The following DYNC1I1 variants were observed in gnomAD, a reference collection of about 807,000 sequenced individuals.
DYNC1I1 encodes the protein dynein cytoplasmic 1 intermediate chain 1.
Under a neutral mutation model 86.6 loss-of-function variants are expected in DYNC1I1, and 43 were observed. That is an observed-to-expected ratio of 0.50 (90% CI 0.39 to 0.64). DYNC1I1 has a LOEUF of 0.64. DYNC1I1 is among the 30% of genes least tolerant of loss of function. The probability of loss-of-function intolerance (pLI) is 0.00; values close to 1 mark genes in which losing one functional copy is unlikely to be tolerated. For synonymous variants in DYNC1I1, 262 were observed against 283.7 expected (o/e 0.92, Z 0.77); for missense variants, 604 against 788.8 (o/e 0.77, Z 2.81).
chr7:96,087,671 A>G (rs920383956), intron 16 of DYNC1I1, among the ~76,000 whole-genome samples: 6 of 152,216 alleles, frequency 3.9e-5, no homozygotes, highest in African/African-American at 1.4e-4. Context: ...GAAAATCCAA[A>G]TACCTGGTTC....
chr7:96,048,645 G>T (rs1234967126), intron 14 of DYNC1I1, among the ~76,000 whole-genome samples: 2 of 152,186 alleles, frequency 1.3e-5, no homozygotes, highest in East Asian at 1.9e-4. Context: ...TACAGAGCTG[G>T]TGGGGCAGTT....
At chr7:95,858,819 T>G (rs1789795723) in intron 5 of DYNC1I1, among the ~76,000 whole-genome samples, 1 of 150,624 alleles carries the variant, frequency 6.6e-6, no homozygotes, top group South Asian at 2.1e-4. Flanking sequence ...GACTCAAAAT[T>G]TACCCTTTAA....
intron 7 of DYNC1I1, among the ~76,000 whole-genome samples, chr7:95,980,819 T>C (rs1266323901): frequency 2.0e-5 from 3 of 152,114 alleles, no homozygotes; most frequent in Non-Finnish European, 4.4e-5. Flanking sequence ...TTCAAAACAA[T>C]ACAACTGGGA....
chr7:95,778,508 G>A (rs1217866513), intron 1 of DYNC1I1, among the ~76,000 whole-genome samples: 1 of 152,156 alleles, frequency 6.6e-6, no homozygotes, highest in Non-Finnish European at 1.5e-5. Flanking sequence ...GAGGTGAGTA[G>A]GGCCAGAAGG....
intron 10 of DYNC1I1, among the ~76,000 whole-genome samples, chr7:96,011,709 A>G (rs914569989): frequency 2.0e-5 from 3 of 152,220 alleles, no homozygotes; most frequent in African/African-American, 7.2e-5. Flanking sequence ...GTGTGTGTCA[A>G]TCTAGTTCTC....
chr7:95,774,363 G>A (rs1004341453), intron 1 of DYNC1I1, among the ~76,000 whole-genome samples: 4 of 152,182 alleles, frequency 2.6e-5, no homozygotes, highest in Admixed American at 6.5e-5. Context: ...TGCTGCAGCC[G>A]CTGGTGCACA....
chr7:95,880,640 CTTTTT>C lies in DYNC1I1; in HGVS notation c.490+10661_490+10665del, dbSNP rs142182653. 1.9e-3 allele frequency among the ~76,000 whole-genome samples: 172 copies of C among 92,550 alleles called. 1 individual carries two copies. Among genetic ancestry groups the C allele is most frequent in the Admixed American group, 7.7e-3 (64 of 8,316 alleles). The allele number at this position is 92,550 out of a possible 152,430, so 60.7% of individuals were successfully genotyped here. A position where few individuals can be genotyped will look rare whatever the true frequency, so the allele number is the denominator to read the frequency against. On this transcript the variant is annotated intron_variant, in intron 6 of 16. Coordinates refer to ENST00000447467, the MANE Select transcript of DYNC1I1 (RefSeq NM_001135556.2). ...TTTCTTCATAACCTACATCTTCTTACTTTTTTTTTTTTTTTTTTTTTTTGAGACAG... is the reference window on the plus strand; with the variant it reads ...TTTCTTCATAACCTACATCTTCTTACTTTTTTTTTTTTTTTTTTGAGACAG...
At chr7:96,038,361 G>T (rs988543871) in intron 13 of DYNC1I1, among the ~76,000 whole-genome samples, 19 of 152,092 alleles carry the variant, frequency 1.2e-4, no homozygotes, top group Non-Finnish European at 2.5e-4. Context: ...TTTTTGGTAT[G>T]TTTTCTCACA....
At chr7:95,779,397 C>T (rs1451293398) in intron 1 of DYNC1I1, among the ~76,000 whole-genome samples, 1 of 152,116 alleles carries the variant, frequency 6.6e-6, no homozygotes, top group Non-Finnish European at 1.5e-5. Flanking sequence ...GAAAATGATG[C>T]CTGGCTTGCA....
chr7:95,807,137 T>G (rs1305563146), intron 2 of DYNC1I1, among the ~76,000 whole-genome samples: 1 of 152,176 alleles, frequency 6.6e-6, no homozygotes, highest in African/African-American at 2.4e-5. Context: ...CTTCATAGAA[T>G]GGTCACATAC....
At chr7:96,050,332 C>T (rs1352420530) in intron 14 of DYNC1I1, among the ~76,000 whole-genome samples, 1 of 152,074 alleles carries the variant, frequency 6.6e-6, no homozygotes, top group Non-Finnish European at 1.5e-5. Flanking sequence ...TAACACTTCA[C>T]ATACTGAAAG....
At chr7:95,896,085 T>C (rs1790875845) in intron 6 of DYNC1I1, among the ~76,000 whole-genome samples, 1 of 152,222 alleles carries the variant, frequency 6.6e-6, no homozygotes, top group African/African-American at 2.4e-5. Flanking sequence ...GCTGGGCTGC[T>C]ACAGAGTAAC....
In DYNC1I1 at chr7:96,097,466, A is replaced by G. The variant is rs771167961; in HGVS notation, c.1777-17A>G. On this transcript the variant is annotated splice_polypyrimidine_tract_variant and intron_variant, in intron 16 of 16. Transcript: ENST00000447467. ...AAGATATCTTGTTCATCATTTCTCC[A>G]TTGATTTGCTTTGCAGCTTGCAGTT... 10 of 1,613,126 alleles carry G rather than the reference A, an allele frequency of 6.2e-6. No individual in the cohort carries two copies. The Admixed American group carries it at 1.7e-4, about 27-fold the overall frequency.
chr7:95,971,468 A>C (rs1017433095), intron 6 of DYNC1I1, among the ~76,000 whole-genome samples: 3 of 152,206 alleles, frequency 2.0e-5, no homozygotes, highest in African/African-American at 7.2e-5. Flanking sequence ...ATTTGTTCTT[A>C]AGTTGAAAAG....
chr7:95,847,726 C>G (rs1789471962), intron 5 of DYNC1I1, among the ~76,000 whole-genome samples: 1 of 152,144 alleles, frequency 6.6e-6, no homozygotes, highest in Admixed American at 6.5e-5. Context: ...AAAACCTTGT[C>G]TCTCAGACAT....
At chr7:96,030,739 T>C (rs1203461112) in intron 11 of DYNC1I1, among the ~76,000 whole-genome samples, 1 of 152,068 alleles carries the variant, frequency 6.6e-6, no homozygotes, top group Admixed American at 6.6e-5. Context: ...CATTTTCAGG[T>C]GAAAATTTGT....
chr7:95,860,327 C>A (rs116185754), intron 5 of DYNC1I1, among the ~76,000 whole-genome samples: 1,988 of 152,158 alleles, frequency 0.013, 36 homozygotes, highest in African/African-American at 0.044. Context: ...ATCCCACCCA[C>A]GTAAAAATAG....
At chr7:95,774,868 C>G (rs1424484621) in intron 1 of DYNC1I1, among the ~76,000 whole-genome samples, 1 of 152,202 alleles carries the variant, frequency 6.6e-6, no homozygotes, top group African/African-American at 2.4e-5. Flanking sequence ...CCGGCTTCAT[C>G]CTGTTACCGT....
At chr7:95,848,275 C>T (rs578074210) in intron 5 of DYNC1I1, among the ~76,000 whole-genome samples, 9 of 143,034 alleles carry the variant, frequency 6.3e-5, no homozygotes, top group African/African-American at 2.0e-4. Flanking sequence ...AGTTCAGAAA[C>T]ATCTGTATAC....
Sources: gnomAD v4.1 joint callset for allele counts (sites outside exome capture counted in the v4.1 genomes callset) on GRCh38, gnomAD v4.1.1 for gene constraint, MANE v1.5 for transcripts, NCBI Gene and HGNC (gene_info 2026-07-23, HGNC 2026-07-21) for gene names.